PARD3B: variants seen among roughly 807,000 people sequenced by gnomAD.
PARD3B encodes the protein partitioning defective 3 homolog B.
In PARD3B, 103 loss-of-function variants were observed where a neutral mutation model predicts 130.2. The observed-to-expected ratio is 0.79, with a 90% CI of 0.67 to 0.93. The LOEUF (loss-of-function observed/expected upper bound fraction) is 0.93, where lower values mean the gene tolerates loss of function less well. PARD3B is among the 40% of genes least tolerant of loss of function. The pLI is 0.00. For missense variants in PARD3B, 1,609 were observed against 1,499.2 expected (o/e 1.07, Z -1.21); for synonymous variants, 583 against 553.2 (o/e 1.05, Z -0.76).
rs1179913227 is a variant in PARD3B, at chr2:204,748,462, G to A, written c.222+62180G>A. Among the ~76,000 whole-genome samples, 9 of 152,076 alleles carry A rather than the reference G, an allele frequency of 5.9e-5. 1 individual carries two copies. Among genetic ancestry groups the A allele is most frequent in the Non-Finnish European group, 1.0e-4 (7 of 68,018 alleles). On this transcript the variant is annotated intron_variant, in intron 2 of 22. Coordinates refer to ENST00000406610, the MANE Select transcript of PARD3B (RefSeq NM_001302769.2). ...CTACTCATCTTCCTACAAAGAAGTA[G>A]GATATGAAGTCTAGAGGGATGAGAA... is the stretch of plus-strand genomic sequence containing the variant.
At chr2:204,651,892 C>G (rs1367228017) in intron 1 of PARD3B, among the ~76,000 whole-genome samples, 2 of 152,212 alleles carry the variant, frequency 1.3e-5, no homozygotes, top group African/African-American at 4.8e-5. Flanking sequence ...GGCTTGCACC[C>G]TCTGAAGCTA....
intron 22 of PARD3B, among the ~76,000 whole-genome samples, chr2:205,561,884 T>G (rs530281226): frequency 2.6e-5 from 4 of 152,314 alleles, no homozygotes; most frequent in Admixed American, 6.5e-5. Context: ...TTAAGCTTTT[T>G]CATCCTTTCT....
chr2:204,836,110 G>A (rs1280112292), intron 2 of PARD3B, among the ~76,000 whole-genome samples: 7 of 152,276 alleles, frequency 4.6e-5, no homozygotes, highest in Admixed American at 3.3e-4. Context: ...TTTTAGCTTC[G>A]TGGGCAACTT....
intron 19 of PARD3B, among the ~76,000 whole-genome samples, chr2:205,439,021 A>G (rs900138556): frequency 1.1e-4 from 16 of 152,162 alleles, no homozygotes; most frequent in African/African-American, 3.9e-4. Context: ...TTACTCAGAA[A>G]AATAAAAAAC....
intron 1 of PARD3B, among the ~76,000 whole-genome samples, chr2:204,680,614 A>AT (rs970565469): frequency 4.0e-5 from 6 of 151,074 alleles, no homozygotes; most frequent in African/African-American, 1.5e-4. Context: ...TTTTTGATCA[A>AT]TTTTTTTTAC....
At chr2:204,721,108 G>A (rs1198021312) in intron 2 of PARD3B, among the ~76,000 whole-genome samples, 1 of 152,164 alleles carries the variant, frequency 6.6e-6, no homozygotes, top group African/African-American at 2.4e-5. Context: ...GTGGGGAAAG[G>A]TAGTCTGTAA....
intron 12 of PARD3B, among the ~76,000 whole-genome samples, chr2:205,174,705 T>C (rs2035366509): frequency 6.6e-6 from 1 of 152,216 alleles, no homozygotes; most frequent in South Asian, 2.1e-4. Context: ...AATACCAAAA[T>C]GGTTGCTTGA....
intron 10 of PARD3B, among the ~76,000 whole-genome samples, chr2:205,157,335 T>C (rs549766079): frequency 1.4e-3 from 209 of 152,334 alleles, no homozygotes; most frequent in African/African-American, 4.7e-3. Flanking sequence ...AATAATATAA[T>C]GAGTTAGCTG....
chr2:204,986,220 G>A (rs1342109062), intron 3 of PARD3B, among the ~76,000 whole-genome samples: 2 of 151,084 alleles, frequency 1.3e-5, no homozygotes, highest in Admixed American at 6.6e-5. Flanking sequence ...TTAGACCTGT[G>A]TGTCACCTTT....
chr2:204,766,491 T>C (rs1015505668), intron 2 of PARD3B, among the ~76,000 whole-genome samples: 1 of 152,136 alleles, frequency 6.6e-6, no homozygotes, highest in Admixed American at 6.6e-5. Flanking sequence ...TTTATATTTT[T>C]TTCTAAATTG....
At chr2:204,910,339 A>G (rs193144014) in intron 2 of PARD3B, among the ~76,000 whole-genome samples, 1 of 152,290 alleles carries the variant, frequency 6.6e-6, no homozygotes, top group African/African-American at 2.4e-5. Flanking sequence ...TAAAGAACAG[A>G]CTGTTTTTTG....
At chr2:204,693,296 A>G (rs187879916) in intron 2 of PARD3B, among the ~76,000 whole-genome samples, 2 of 152,096 alleles carry the variant, frequency 1.3e-5, no homozygotes, top group East Asian at 3.9e-4. Flanking sequence ...ATTGACAAGA[A>G]ATTGGTCGTC....
chr2:205,444,714 A>G (rs2047844953), intron 20 of PARD3B, among the ~76,000 whole-genome samples: 1 of 152,208 alleles, frequency 6.6e-6, no homozygotes, highest in South Asian at 2.1e-4. Flanking sequence ...TACAGTAGTA[A>G]ATGAGGACAG....
chr2:204,855,326 T>G (rs1288951187), intron 2 of PARD3B, among the ~76,000 whole-genome samples: 1 of 151,992 alleles, frequency 6.6e-6, no homozygotes, highest in Non-Finnish European at 1.5e-5. Context: ...GGGTGGATCG[T>G]GAGGTCAAGA....
chr2:204,754,542 G>A (rs1210741644), intron 2 of PARD3B, among the ~76,000 whole-genome samples: 5 of 152,094 alleles, frequency 3.3e-5, no homozygotes, highest in South Asian at 2.1e-4. Flanking sequence ...ATTATTAAAT[G>A]TAAAACATTT....
At chr2:205,018,159 C>G (rs1482370713) in intron 3 of PARD3B, among the ~76,000 whole-genome samples, 1 of 151,960 alleles carries the variant, frequency 6.6e-6, no homozygotes, top group African/African-American at 2.4e-5. Flanking sequence ...ACATATTTAC[C>G]TTTAGCGTAA....
intron 18 of PARD3B, among the ~76,000 whole-genome samples, chr2:205,389,832 A>T (rs2045789426): frequency 6.6e-6 from 1 of 152,184 alleles, no homozygotes; most frequent in Non-Finnish European, 1.5e-5. Context: ...TTTTTTATAG[A>T]AGACATCTTG....
rs746738411 is a variant in PARD3B, at chr2:205,172,313, T to A, written c.1723T>A (p.Ser575Thr). Residue 575 changes from serine (S) to threonine (T), a missense_variant, in exon 12 of 23, where the codon TCC becomes ACC. Ser to Thr is a moderately conservative substitution (Grantham distance 58, BLOSUM62 1). Coordinates refer to ENST00000406610, the MANE Select transcript of PARD3B (RefSeq NM_001302769.2). ...EAMETLRRSMSMEGNIRGMIQ... is the reference protein window; with the variant it reads ...EAMETLRRSMTMEGNIRGMIQ... Reference sequence around the variant, plus strand: ...TATGGAAACACTTAGGCGGTCAATGTCCATGGAGGGAAACATCCGAGGGAT... The same window carrying A: ...TATGGAAACACTTAGGCGGTCAATGACCATGGAGGGAAACATCCGAGGGAT... The A allele has an allele frequency of 6.2e-7, 1 of 1,614,118 alleles. No individual in the cohort carries two copies. The highest frequency in any genetic ancestry group is 1.1e-5 in the South Asian group (1 of 91,086).
chr2:204,651,309 T>C (rs1381470952), intron 1 of PARD3B, among the ~76,000 whole-genome samples: 2 of 152,246 alleles, frequency 1.3e-5, no homozygotes, highest in Non-Finnish European at 2.9e-5. Flanking sequence ...GGTACAGGCA[T>C]TGGGTAGATG....
Sources: gnomAD v4.1 joint callset for allele counts (sites outside exome capture counted in the v4.1 genomes callset) on GRCh38, gnomAD v4.1.1 for gene constraint, MANE v1.5 for transcripts, NCBI Gene and HGNC (gene_info 2026-07-23, HGNC 2026-07-21) for gene names.